The following SDK1 variants were observed in gnomAD, a reference collection of about 807,000 sequenced individuals.
The protein encoded by SDK1 is protein sidekick-1.
A neutral mutation model predicts 245.5 loss-of-function variants in SDK1; 157 were observed. The observed-to-expected ratio is 0.64, with a 90% CI of 0.56 to 0.73. SDK1 has a LOEUF of 0.73. SDK1 is among the 30% of genes least tolerant of loss of function. The probability of loss-of-function intolerance (pLI) is 0.00; values close to 1 mark genes in which losing one functional copy is unlikely to be tolerated. For synonymous variants in SDK1, 1,647 were observed against 1,278.5 expected, an observed-to-expected ratio of 1.29 and a Z score of -6.15; for missense variants, 3,583 against 3,002.3, an observed-to-expected ratio of 1.19 and a Z score of -4.52.
intron 1 of SDK1, among the ~76,000 whole-genome samples, chr7:3,577,034 C>T (rs1035207064): frequency 1.3e-5 from 2 of 151,986 alleles, no homozygotes; most frequent in Admixed American, 1.3e-4. Context: ...CACCCCCTGA[C>T]ATGACTCCTT....
chr7:3,449,363 C>A (rs1370545404), intron 1 of SDK1, among the ~76,000 whole-genome samples: 2 of 151,018 alleles, frequency 1.3e-5, no homozygotes, highest in Admixed American at 1.4e-4. Flanking sequence ...GGTACAAAAT[C>A]GTGCTTTCTA....
At chr7:3,702,049 G>A (rs1401821687) in intron 4 of SDK1, among the ~76,000 whole-genome samples, 1 of 151,522 alleles carries the variant, frequency 6.6e-6, no homozygotes, top group Non-Finnish European at 1.5e-5. Flanking sequence ...TAAACTTTCA[G>A]AAGAATAAAC....
chr7:3,773,728 C>T (rs1780469211), intron 4 of SDK1, among the ~76,000 whole-genome samples: 1 of 152,148 alleles, frequency 6.6e-6, no homozygotes, highest in Non-Finnish European at 1.5e-5. Flanking sequence ...TTGTTGTAGG[C>T]TGTTTCTGTG....
chr7:4,246,153 A>G (rs1786843811), intron 44 of SDK1, among the ~76,000 whole-genome samples: 1 of 152,164 alleles, frequency 6.6e-6, no homozygotes, highest in Non-Finnish European at 1.5e-5. Flanking sequence ...ATGGAAGCGC[A>G]GGTTCCGACT....
At chr7:3,525,048 T>C (rs1040394505) in intron 1 of SDK1, among the ~76,000 whole-genome samples, 2 of 152,100 alleles carry the variant, frequency 1.3e-5, no homozygotes, top group South Asian at 2.1e-4. Flanking sequence ...TAAAAAAATA[T>C]AACTATTTAC....
chr7:3,799,127 T>C, intron 4 of SDK1, among the ~76,000 whole-genome samples: 1 of 152,344 alleles, frequency 6.6e-6, no homozygotes, highest in East Asian at 1.9e-4. Flanking sequence ...CTCATGTTTC[T>C]TCTCCTCTTT....
chr7:4,265,788 C>G lies in SDK1; in HGVS notation c.*404C>G. On this transcript the variant is annotated 3_prime_UTR_variant, in exon 45 of 45. Coordinates refer to ENST00000404826, the MANE Select transcript of SDK1 (RefSeq NM_152744.4). ...ATCTCAGAGCTGCCCCGGCCGGCCC[C>G]CGTCTCTTTCTACCTCCTCTTCCAG... 1 of 1,010,552 alleles carries G rather than the reference C, an allele frequency of 9.9e-7. No homozygotes were observed. Among genetic ancestry groups the G allele is most frequent in the Non-Finnish European group, 1.2e-6 (1 of 848,262 alleles). The allele number at this position is 1,010,552 out of a possible 1,614,324, so 62.6% of individuals were successfully genotyped here. A position where few individuals can be genotyped will look rare whatever the true frequency, so the allele number is the denominator to read the frequency against.
At chr7:3,330,807 TA>T (rs35013618) in intron 1 of SDK1, among the ~76,000 whole-genome samples, 6,266 of 115,322 alleles carry the variant, frequency 0.054, 431 homozygotes, top group African/African-American at 0.16. Context: ...CCATTTCGCT[TA>T]AAAAAAAAAA....
chr7:4,211,165 T>C (rs1784491474), intron 38 of SDK1, among the ~76,000 whole-genome samples: 1 of 152,046 alleles, frequency 6.6e-6, no homozygotes, highest in Non-Finnish European at 1.5e-5. Context: ...AGTGTCACGA[T>C]GGAAAGAAGC....
intron 28 of SDK1, among the ~76,000 whole-genome samples, chr7:4,140,258 C>G (rs966110472): frequency 6.6e-6 from 1 of 152,208 alleles, no homozygotes; most frequent in African/African-American, 2.4e-5. Context: ...AGCGCTCTCC[C>G]TGGGCCCACC....
At chr7:4,152,315 AT>A (rs1344818868) in intron 30 of SDK1, among the ~76,000 whole-genome samples, 1 of 152,164 alleles carries the variant, frequency 6.6e-6, no homozygotes, top group Admixed American at 6.5e-5. Context: ...GGCAGATACC[AT>A]CCTCCCAGAG....
chr7:3,882,328 T>C (rs1249016947), intron 5 of SDK1, among the ~76,000 whole-genome samples: 1 of 152,144 alleles, frequency 6.6e-6, no homozygotes, highest in Non-Finnish European at 1.5e-5. Context: ...TGCCTTTCAC[T>C]CCTGAGAATG....
chr7:3,807,172 G>C (rs1488553923), intron 4 of SDK1, among the ~76,000 whole-genome samples: 1 of 152,160 alleles, frequency 6.6e-6, no homozygotes, highest in Non-Finnish European at 1.5e-5. Flanking sequence ...GCTTTCATTA[G>C]TCTTCATGGA....
intron 20 of SDK1, among the ~76,000 whole-genome samples, chr7:4,073,661 A>G (rs10248212): frequency 0.041 from 6,277 of 152,292 alleles, 218 homozygotes; most frequent in African/African-American, 0.083. Context: ...TTATTTAGCG[A>G]TTGACCAGGT....
At chr7:4,015,149 T>C (rs1306023960) in intron 16 of SDK1, among the ~76,000 whole-genome samples, 1 of 152,160 alleles carries the variant, frequency 6.6e-6, no homozygotes, top group Non-Finnish European at 1.5e-5. Flanking sequence ...GCAACAAGAA[T>C]GGAAATGCTA....
intron 1 of SDK1, among the ~76,000 whole-genome samples, chr7:3,524,561 T>G (rs921118224): frequency 6.6e-6 from 1 of 152,152 alleles, no homozygotes; most frequent in African/African-American, 2.4e-5. Context: ...CATGTACACT[T>G]GTACATGTAC....
chr7:3,589,808 G>C (rs903865075), intron 1 of SDK1, among the ~76,000 whole-genome samples: 2 of 152,222 alleles, frequency 1.3e-5, no homozygotes, highest in Non-Finnish European at 2.9e-5. Context: ...TGCAATTCAA[G>C]ATGAGATTTG....
chr7:3,986,240 C>G (rs1273801750), intron 13 of SDK1, among the ~76,000 whole-genome samples: 1 of 151,516 alleles, frequency 6.6e-6, no homozygotes, highest in Non-Finnish European at 1.5e-5. Flanking sequence ...AGAATTTATT[C>G]GCTTTAATTG....
intron 40 of SDK1, among the ~76,000 whole-genome samples, chr7:4,230,186 G>C (rs1785663863): frequency 6.8e-6 from 1 of 147,306 alleles, no homozygotes; most frequent in Admixed American, 6.8e-5. Context: ...TGGGTGGGTG[G>C]ATTGATGGGT....
Sources: gnomAD v4.1 joint callset for allele counts (sites outside exome capture counted in the v4.1 genomes callset) on GRCh38, gnomAD v4.1.1 for gene constraint, MANE v1.5 for transcripts, NCBI Gene and HGNC (gene_info 2026-07-23, HGNC 2026-07-21) for gene names.